Variants in RNF170 observed in about 807,000 individuals in gnomAD.
RNF170 encodes ring finger protein 170.
A neutral mutation model predicts 32.7 loss-of-function variants in RNF170; 12 were observed. The observed-to-expected ratio is 0.37, with a 90% CI of 0.24 to 0.60. The LOEUF is 0.60. Ranked by LOEUF, RNF170 falls within the 20% of genes least tolerant of loss-of-function variation. The probability of loss-of-function intolerance (pLI) is 0.72; values close to 1 mark genes in which losing one functional copy is unlikely to be tolerated. For synonymous variants in RNF170, 91 were observed against 103.6 expected, an observed-to-expected ratio of 0.88 and a Z score of 0.74; for missense variants, 212 against 311.2, an observed-to-expected ratio of 0.68 and a Z score of 2.40.
At chr8:42,889,480 A>G (rs1010819063) in intron 1 of RNF170, 9 of 152,194 alleles carry the variant, frequency 5.9e-5, no homozygotes, top group African/African-American at 2.2e-4. Context: ...AAAGTTCTGC[A>G]TTTATGTAAC....
At chr8:42,873,502 C>T (rs772459709) in intron 3 of RNF170, among the ~76,000 whole-genome samples, 1 of 151,310 alleles carries the variant, frequency 6.6e-6, no homozygotes, top group Non-Finnish European at 1.5e-5. Context: ...TTCTCTTTGC[C>T]TAACTAGTTT....
rs181228149 is a variant in RNF170, at chr8:42,859,569, G to T, written c.507+2176C>A. Among the ~76,000 whole-genome samples the T allele has an allele frequency of 2.2e-3, 332 of 152,344 alleles. 1 individual carries two copies. Among genetic ancestry groups the T allele is most frequent in the South Asian group, 0.011 (52 of 4,830 alleles). ...CTGAGCTTGGAAGGTTGAGGCTGCA[G>T]TGAGCCGTGATCACACCACTGCACT... is the stretch of plus-strand genomic sequence containing the variant. On this transcript the variant is annotated intron_variant, in intron 6 of 6. Coordinates refer to ENST00000527424, the MANE Select transcript of RNF170 (RefSeq NM_030954.4).
intron 6 of RNF170, among the ~76,000 whole-genome samples, chr8:42,860,503 A>G (rs36091568): frequency 0.047 from 7,155 of 151,700 alleles, 217 homozygotes; most frequent in South Asian, 0.083. Flanking sequence ...GCTCACTGCA[A>G]CCTCTGCCTC....
intron 2 of RNF170, among the ~76,000 whole-genome samples, chr8:42,878,417 G>A (rs1033455052): frequency 1.2e-4 from 18 of 152,186 alleles, no homozygotes; most frequent in Non-Finnish European, 2.4e-4. Flanking sequence ...AAGCAAAACA[G>A]CTTTATTGCT....
intron 1 of RNF170, among the ~76,000 whole-genome samples, chr8:42,895,217 A>G (rs989646683): frequency 2.0e-5 from 3 of 152,122 alleles, no homozygotes; most frequent in Non-Finnish European, 4.4e-5. Context: ...TGGGAGGCTG[A>G]GGTAGGAGGA....
Position 42,896,511 on chromosome 8 carries a change from C to T in RNF170, c.-35G>A. 2.2e-6 allele frequency: 1 copy of T among 453,964 alleles called. No individual in the cohort carries two copies. Among genetic ancestry groups the T allele is most frequent in the Non-Finnish European group, 4.4e-6 (1 of 226,712 alleles). 28.1% of individuals were successfully genotyped at this position (453,964 alleles called of 1,614,324 possible). A position where few individuals can be genotyped will look rare whatever the true frequency, so the allele number is the denominator to read the frequency against. Reference sequence around the variant, plus strand: ...CTCCACCGCGAAGGAACTACCTCGCCAGTTCCCGGCGACAGAGGACAGATT... The same window carrying T: ...CTCCACCGCGAAGGAACTACCTCGCTAGTTCCCGGCGACAGAGGACAGATT... On this transcript the variant is annotated 5_prime_UTR_variant, in exon 1 of 7. Coordinates refer to ENST00000527424, the MANE Select transcript of RNF170 (RefSeq NM_030954.4).
intron 4 of RNF170, among the ~76,000 whole-genome samples, chr8:42,869,321 A>C (rs1261517018): frequency 1.3e-5 from 2 of 152,206 alleles, no homozygotes; most frequent in Non-Finnish European, 2.9e-5. Context: ...TTTGCCCCTC[A>C]ATCTTCTATG....
At chr8:42,851,195 A>C (rs1234614054), downstream of RNF170, among the ~76,000 whole-genome samples, 2 of 152,000 alleles carry the variant, frequency 1.3e-5, no homozygotes, top group Non-Finnish European at 2.9e-5. Context: ...CGGTGGTGGC[A>C]GAGGGTATAG....
chr8:42,873,676 T>C (rs928038952), intron 3 of RNF170, among the ~76,000 whole-genome samples: 1 of 152,226 alleles, frequency 6.6e-6, no homozygotes, highest in Non-Finnish European at 1.5e-5. Flanking sequence ...CAATTATTTC[T>C]ACACTAATAA....
At chr8:42,883,174 G>A (rs749464065) in intron 2 of RNF170, among the ~76,000 whole-genome samples, 6 of 151,996 alleles carry the variant, frequency 3.9e-5, no homozygotes, top group Non-Finnish European at 7.4e-5. Context: ...AGGGGGCAAG[G>A]GTTGAAATAC....
chr8:42,861,482 A>G, intron 6 of RNF170: 1 of 399,422 alleles, frequency 2.5e-6, no homozygotes, highest in Non-Finnish European at 4.7e-6. Context: ...CAGGGACTAC[A>G]GGCATGTGCC....
chr8:42,868,016 T>C (rs1350494787), intron 4 of RNF170, among the ~76,000 whole-genome samples: 2 of 152,188 alleles, frequency 1.3e-5, no homozygotes, highest in East Asian at 1.9e-4. Flanking sequence ...CTGCCTTCTA[T>C]GATGCCCGTT....
Position 42,870,083 on chromosome 8 carries a change from G to GC in RNF170, c.242_243insG (p.Phe81LeufsTer4). On this transcript the variant is annotated frameshift_variant, in exon 4 of 7. Transcript: ENST00000527424. LOFTEE classifies it high-confidence loss of function. Reference sequence around the variant, plus strand: ...AGATGGGACAGTACATGTCAGTGTAGAACTGCTGTCGAGTGGCAGCAGGTG... The same window carrying GC: ...AGATGGGACAGTACATGTCAGTGTAGCAACTGCTGTCGAGTGGCAGCAGGTG... The GC allele has an allele frequency of 6.2e-7, 1 of 1,614,118 alleles. No homozygotes were observed. Among genetic ancestry groups the GC allele is most frequent in the East Asian group, 2.2e-5 (1 of 44,880 alleles).
rs746760783 is a variant in RNF170, at chr8:42,887,763, G to T, written c.102C>A (p.Phe34Leu). The T allele has an allele frequency of 6.2e-7, 1 of 1,613,858 alleles. No homozygotes were observed. The highest frequency in any genetic ancestry group is 1.3e-5 in the African/African-American group (1 of 74,892). ...DQVLVAVVVS[F>L]ALIATLVYAL... ...CATATACCAGGGTAGCAATCAAAGC[G>T]AAACTGACCACAACTGCCACAAGTA... The change falls in exon 2 of 7, where the codon TTC becomes TTA. Residue 34 changes from phenylalanine (F) to leucine (L), a missense_variant. Transcript: ENST00000527424.
At chr8:42,856,562 AATT>A in intron 6 of RNF170, 134 bp from the exon 7 acceptor site, 1 of 657,938 alleles carries the variant, frequency 1.5e-6, no homozygotes, top group Non-Finnish European at 2.6e-6. Flanking sequence ...CATATTTTCT[AATT>A]ATGTGTTGTA....
At chr8:42,870,963 C>A (rs1287384262) in intron 3 of RNF170, among the ~76,000 whole-genome samples, 1 of 152,082 alleles carries the variant, frequency 6.6e-6, no homozygotes, top group African/African-American at 2.4e-5. Context: ...AACCCCAGCA[C>A]TTTGGGTGGC....
intron 1 of RNF170, among the ~76,000 whole-genome samples, chr8:42,894,459 G>A (rs1427842599): frequency 6.6e-6 from 1 of 152,194 alleles, no homozygotes; most frequent in African/African-American, 2.4e-5. Context: ...ACTTAAAAGT[G>A]CTAGAGATTC....
intron 4 of RNF170, 83 bp from the exon 5 acceptor site, chr8:42,865,572 T>C (rs1237700033): frequency 3.7e-5 from 37 of 1,007,640 alleles, no homozygotes; most frequent in Non-Finnish European, 5.7e-5. Flanking sequence ...ATTCAACTAT[T>C]TGAAATATTT....
At chr8:42,888,212 C>T (rs967708131) in intron 1 of RNF170, among the ~76,000 whole-genome samples, 3 of 151,712 alleles carry the variant, frequency 2.0e-5, no homozygotes, top group Non-Finnish European at 4.4e-5. Context: ...ACTACAGGCG[C>T]GCACCACTAC....
Sources: allele counts gnomAD v4.1 joint callset (sites outside exome capture counted in the v4.1 genomes callset), GRCh38; gene constraint gnomAD v4.1.1; transcripts MANE v1.5; gene names NCBI Gene and HGNC (gene_info 2026-07-23, HGNC 2026-07-21).